Variants in EFR3B observed in about 807,000 individuals in gnomAD.
EFR3B encodes the protein EFR3 homolog B, also known as protein EFR3 homolog B.
In EFR3B, 64 loss-of-function variants were observed where a neutral mutation model predicts 104.7. The observed-to-expected ratio is 0.61, with a 90% CI of 0.50 to 0.75. The LOEUF (loss-of-function observed/expected upper bound fraction) is 0.75, where lower values mean the gene tolerates loss of function less well. Ranked by LOEUF, EFR3B falls within the 30% of genes least tolerant of loss-of-function variation. The probability of loss-of-function intolerance (pLI) is 0.00; values close to 1 mark genes in which losing one functional copy is unlikely to be tolerated. For missense variants in EFR3B, 750 were observed against 1,078.5 expected, an observed-to-expected ratio of 0.70 and a Z score of 4.27; for synonymous variants, 385 against 417.9, an observed-to-expected ratio of 0.92 and a Z score of 0.96.
chr2:25,085,332 T>C (rs1668918682), intron 1 of EFR3B, among the ~76,000 whole-genome samples: 1 of 152,228 alleles, frequency 6.6e-6, no homozygotes, highest in African/African-American at 2.4e-5. Context: ...CAGTACTCTT[T>C]AAACTCTAAA....
intron 1 of EFR3B, among the ~76,000 whole-genome samples, chr2:25,046,069 T>C (rs192177234): frequency 2.6e-5 from 4 of 152,214 alleles, no homozygotes; most frequent in Admixed American, 2.6e-4. Flanking sequence ...TGACTGTAAA[T>C]AGCGACAGTG....
At chr2:25,065,849 G>T (rs891292761) in intron 1 of EFR3B, among the ~76,000 whole-genome samples, 17 of 152,172 alleles carry the variant, frequency 1.1e-4, no homozygotes, top group African/African-American at 3.9e-4. Context: ...GTGTGAATGG[G>T]CAGGTGCTGG....
At chr2:25,051,000 T>C (rs911259717) in intron 1 of EFR3B, among the ~76,000 whole-genome samples, 4 of 152,194 alleles carry the variant, frequency 2.6e-5, no homozygotes, top group Non-Finnish European at 5.9e-5. Context: ...TGTGGAGAGG[T>C]TGAGTGACTG....
At chr2:25,044,321 A>T (rs890271486) in intron 1 of EFR3B, among the ~76,000 whole-genome samples, 1 of 152,042 alleles carries the variant, frequency 6.6e-6, no homozygotes, top group Non-Finnish European at 1.5e-5. Context: ...CCTGGTGAGG[A>T]CTCAACTGCT....
At chr2:25,054,351 T>G (rs1414226339) in intron 1 of EFR3B, among the ~76,000 whole-genome samples, 1 of 151,836 alleles carries the variant, frequency 6.6e-6, no homozygotes, top group East Asian at 1.9e-4. Flanking sequence ...AGATGGAGTC[T>G]CCCTCTGTCA....
chr2:25,087,380 C>T (rs901412721), intron 1 of EFR3B, among the ~76,000 whole-genome samples: 10 of 142,938 alleles, frequency 7.0e-5, no homozygotes, highest in South Asian at 2.2e-4. Context: ...TATATATATA[C>T]ACACACACAC....
At chr2:25,084,317 A>T (rs1230738122) in intron 1 of EFR3B, among the ~76,000 whole-genome samples, 1 of 151,764 alleles carries the variant, frequency 6.6e-6, no homozygotes, top group Non-Finnish European at 1.5e-5. Context: ...GCTCACTGCA[A>T]CCTCTGCCTC....
intron 1 of EFR3B, among the ~76,000 whole-genome samples, chr2:25,064,629 G>A (rs1254305428): frequency 6.6e-6 from 1 of 152,144 alleles, no homozygotes; most frequent in Non-Finnish European, 1.5e-5. Context: ...CTTACCCCCA[G>A]AGTCCACATG....
intron 21 of EFR3B, among the ~76,000 whole-genome samples, chr2:25,152,813 AGTGTGTGTGTGT>A (rs60834744): frequency 2.2e-4 from 31 of 141,416 alleles, no homozygotes; most frequent in African/African-American, 3.7e-4. Context: ...TTCATATAGA[AGTGTGTGTGTGT>A]GTGTGTGTGT....
rs376903463 is a variant in EFR3B, at chr2:25,132,217, G to T, written c.1147+306G>T. The stretch of plus-strand genomic sequence containing the variant: ...GTCGGGAAATGAAAGGACTGGCTGG[G>T]CAGGGCCTGAGCGACAGCGCAAGCA... On this transcript the variant is annotated intron_variant, in intron 10 of 22. Coordinates refer to ENST00000403714, the MANE Select transcript of EFR3B (RefSeq NM_014971.2). 2.0e-5 allele frequency among the ~76,000 whole-genome samples: 3 copies of T among 152,326 alleles called. No individual in the cohort carries two copies. The East Asian group carries it at 5.8e-4, about 29-fold the overall frequency.
At chr2:25,056,076 A>G (rs961290914) in intron 1 of EFR3B, among the ~76,000 whole-genome samples, 3 of 152,238 alleles carry the variant, frequency 2.0e-5, no homozygotes, top group Non-Finnish European at 4.4e-5. Context: ...CGGTGTTTCC[A>G]GGGTATCAAT....
intron 1 of EFR3B, among the ~76,000 whole-genome samples, chr2:25,060,506 G>GC (rs1448875945): frequency 6.6e-6 from 1 of 152,028 alleles, no homozygotes; most frequent in Non-Finnish European, 1.5e-5. Flanking sequence ...GAGAATGTCT[G>GC]CTACTGTGTT....
intron 5 of EFR3B, among the ~76,000 whole-genome samples, chr2:25,123,236 T>C (rs997115480): frequency 1.3e-5 from 2 of 151,812 alleles, no homozygotes; most frequent in African/African-American, 4.8e-5. Flanking sequence ...TGCACGTGCC[T>C]GTATTCTCAG....
intron 4 of EFR3B, among the ~76,000 whole-genome samples, chr2:25,109,869 T>A (rs929213971): frequency 6.6e-6 from 1 of 152,236 alleles, no homozygotes; most frequent in African/African-American, 2.4e-5. Context: ...TTTACTTCAA[T>A]TTTTTAAAAA....
At chr2:25,118,726 C>CAAAAAAAAAAAAAAAAA (rs869026900) in intron 4 of EFR3B, among the ~76,000 whole-genome samples, 4 of 33,540 alleles carry the variant, frequency 1.2e-4, no homozygotes, top group Admixed American at 6.1e-4. Flanking sequence ...CCTGTCTCTA[C>CAAAAAAAAAAAAAAAAA]AAAAAAAAAA....
chr2:25,097,870 G>A (rs1669327132), intron 3 of EFR3B, among the ~76,000 whole-genome samples: 1 of 152,170 alleles, frequency 6.6e-6, no homozygotes, highest in Non-Finnish European at 1.5e-5. Context: ...GCATTGATGG[G>A]TGCAGAATGC....
At chr2:25,134,177 AT>A (rs58106803) in intron 12 of EFR3B, among the ~76,000 whole-genome samples, 118,262 of 138,304 alleles carry the variant, frequency 0.86, 50,229 homozygotes, top group South Asian at 0.92. Flanking sequence ...CTCAGTTTAT[AT>A]TTTTTTTTTT....
At chr2:25,067,578 G>A (rs1488961587) in intron 1 of EFR3B, among the ~76,000 whole-genome samples, 1 of 152,052 alleles carries the variant, frequency 6.6e-6, no homozygotes, top group African/African-American at 2.4e-5. Context: ...GGGACTACAG[G>A]CGCCTGCCAC....
chr2:25,149,310 T>A (rs1670938061), intron 19 of EFR3B, among the ~76,000 whole-genome samples: 2 of 152,204 alleles, frequency 1.3e-5, no homozygotes, highest in African/African-American at 2.4e-5. Flanking sequence ...ATCATGCCAC[T>A]ACACTCCAGC....
Sources: allele counts gnomAD v4.1 joint callset (sites outside exome capture counted in the v4.1 genomes callset), GRCh38; gene constraint gnomAD v4.1.1; transcripts MANE v1.5; gene names NCBI Gene and HGNC (gene_info 2026-07-23, HGNC 2026-07-21).